MTMR3: variants seen among roughly 807,000 people sequenced by gnomAD.
MTMR3 encodes myotubularin related protein 3.
In MTMR3, 32 loss-of-function variants were observed where a neutral mutation model predicts 132.4. That is an observed-to-expected ratio of 0.24 (90% CI 0.18 to 0.32). The LOEUF (loss-of-function observed/expected upper bound fraction) is 0.32. MTMR3 is among the 10% of genes least tolerant of loss of function. MTMR3 has a pLI of 1.00. For synonymous variants in MTMR3, 556 were observed against 550.3 expected (o/e 1.01, Z -0.14); for missense variants, 1,216 against 1,489.6 (o/e 0.82, Z 3.02).
chr22:29,887,736 C>A (rs747924447), intron 1 of MTMR3, among the ~76,000 whole-genome samples: 1 of 152,190 alleles, frequency 6.6e-6, no homozygotes, highest in Non-Finnish European at 1.5e-5. Flanking sequence ...GCAAGGAGTT[C>A]AGCACATTCT....
chr22:29,952,686 C>T (rs2066107840), intron 1 of MTMR3, among the ~76,000 whole-genome samples: 1 of 152,100 alleles, frequency 6.6e-6, no homozygotes, highest in Non-Finnish European at 1.5e-5. Flanking sequence ...CACCACTTAC[C>T]ACAGTAGCTG....
chr22:30,016,607 A>G lies in MTMR3; in HGVS notation c.1583A>G (p.His528Arg), dbSNP rs2067598048. 1.9e-6 allele frequency: 3 copies of G among 1,614,202 alleles called. No homozygotes were observed. The highest frequency in any genetic ancestry group is 2.5e-6 in the Non-Finnish European group (3 of 1,180,026). Residue 528 changes from histidine (H) to arginine (R), a missense_variant, in exon 15 of 20, where the codon CAT becomes CGT. His to Arg is a conservative substitution (Grantham distance 29). This residue lies in a region of MTMR3 where 852 missense variants were observed against 852.0 expected (regional missense o/e 1.00). Coordinates refer to ENST00000401950, the MANE Select transcript of MTMR3 (RefSeq NM_021090.4). ...AACGCCAAGGAGAGAGGGGAAAAGC[A>G]TACTCAGGAACGGACATGTTCCGTG... ...CNNAKERGEK[H>R]TQERTCSVWS...
At chr22:29,957,640 AC>A (rs1357272107) in intron 2 of MTMR3, among the ~76,000 whole-genome samples, 1 of 151,912 alleles carries the variant, frequency 6.6e-6, no homozygotes, top group African/African-American at 2.4e-5. Context: ...TTTTGTAGAG[AC>A]AGGATCTCGT....
intron 9 of MTMR3, 113 bp downstream of exon 9, chr22:30,003,106 TC>T: frequency 2.6e-6 from 2 of 759,498 alleles, no homozygotes; most frequent in Admixed American, 2.2e-5. Context: ...CAGAGAACTT[TC>T]TAGGCAAGGC....
Position 30,019,681 on chromosome 22 carries a change from G to T in MTMR3, c.2022G>T (p.Gly674=). Residue 674 remains glycine (G), a synonymous_variant, in exon 17 of 20, where the codon GGG becomes GGT. Coordinates refer to ENST00000401950, the MANE Select transcript of MTMR3 (RefSeq NM_021090.4). ...TAGGGAAGCCCACCAGAGTGCCGGG[G>T]GGTGCCGAGCTTTCTGTTGCAGCCG... The part of the protein sequence containing the change: ...DSLGKPTRVP[G]GAELSVAAGV... The T allele has an allele frequency of 6.2e-7, 1 of 1,614,206 alleles. No individual in the cohort carries two copies. Among genetic ancestry groups the T allele is most frequent in the Non-Finnish European group, 8.5e-7 (1 of 1,180,034 alleles).
At chr22:29,889,432 A>G (rs1162419121) in intron 1 of MTMR3, among the ~76,000 whole-genome samples, 1 of 151,638 alleles carries the variant, frequency 6.6e-6, no homozygotes, top group African/African-American at 2.4e-5. Flanking sequence ...GATTACAGGT[A>G]CCTGCCACCA....
rs1410281778 is a variant in MTMR3 at position 30,027,438 on chromosome 22, C to T, written c.*1637C>T. ...AGGCAAAGCCCAGAGCATCTGAGCACGTCTCTGACTTCCAGTGGCAACACA... is the reference window on the plus strand; with the variant it reads ...AGGCAAAGCCCAGAGCATCTGAGCATGTCTCTGACTTCCAGTGGCAACACA... On this transcript the variant is annotated 3_prime_UTR_variant, in exon 20 of 20. Coordinates refer to ENST00000401950, the MANE Select transcript of MTMR3 (RefSeq NM_021090.4). The T allele has an allele frequency of 1.3e-5, 2 of 152,796 alleles. No individual in the cohort carries two copies. The highest frequency in any genetic ancestry group is 2.4e-5 in the African/African-American group (1 of 41,462). The allele number at this position is 152,796 out of a possible 1,614,324, so 9.5% of individuals were successfully genotyped here.
chr22:29,895,285 G>A (rs565775907), intron 1 of MTMR3, among the ~76,000 whole-genome samples: 2 of 152,140 alleles, frequency 1.3e-5, no homozygotes, highest in Admixed American at 1.3e-4. Context: ...TGTGGTTTTG[G>A]ATTGTGAATT....
intron 3 of MTMR3, among the ~76,000 whole-genome samples, chr22:29,976,680 T>C (rs1314662183): frequency 6.6e-6 from 1 of 152,142 alleles, no homozygotes; most frequent in Non-Finnish European, 1.5e-5. Flanking sequence ...TAGATGTCAA[T>C]ACAGTGAAGA....
chr22:29,899,224 A>G (rs1411498519), intron 1 of MTMR3, among the ~76,000 whole-genome samples: 3 of 152,180 alleles, frequency 2.0e-5, no homozygotes, highest in African/African-American at 4.8e-5. Flanking sequence ...GTCCACATGT[A>G]GATAGTCCTA....
At chr22:29,928,970 T>C (rs1417185817) in intron 1 of MTMR3, among the ~76,000 whole-genome samples, 1 of 152,172 alleles carries the variant, frequency 6.6e-6, no homozygotes, top group African/African-American at 2.4e-5. Flanking sequence ...TTTACCATTA[T>C]CAAAAGTGTG....
At position 30,030,616 on chromosome 22, in the gene MTMR3, G is replaced by A. The variant is rs1478033592; in HGVS notation, c.*4815G>A. 2 of 128,498 alleles carry A rather than the reference G, an allele frequency of 1.6e-5. No homozygotes were observed. Among genetic ancestry groups the A allele is most frequent in the African/African-American group, 5.9e-5 (2 of 33,998 alleles). 8.0% of individuals were successfully genotyped at this position (128,498 alleles called of 1,614,324 possible). ...AATCAGCTCAGCCTCTTAGGAGAGAGGGGCTCTCAGCGAGGAGGGGGCGGG... is the reference window on the plus strand; with the variant it reads ...AATCAGCTCAGCCTCTTAGGAGAGAAGGGCTCTCAGCGAGGAGGGGGCGGG... On this transcript the variant is annotated 3_prime_UTR_variant, in exon 20 of 20. Transcript: ENST00000401950.
At chr22:29,930,157 A>G (rs2065613511) in intron 1 of MTMR3, among the ~76,000 whole-genome samples, 2 of 152,234 alleles carry the variant, frequency 1.3e-5, no homozygotes, top group Non-Finnish European at 2.9e-5. Flanking sequence ...AATTGTCTAC[A>G]ACAAAATTCA....
intron 12 of MTMR3, 71 bp downstream of exon 12, chr22:30,009,200 A>G: frequency 8.9e-7 from 1 of 1,118,856 alleles, no homozygotes; most frequent in Non-Finnish European, 1.3e-6. Context: ...CCTTGAACTA[A>G]GGGGGAAAAA....
At chr22:29,968,033 G>A (rs993467964) in intron 2 of MTMR3, among the ~76,000 whole-genome samples, 1 of 151,960 alleles carries the variant, frequency 6.6e-6, no homozygotes, top group Admixed American at 6.6e-5. Flanking sequence ...TGGCCATCAT[G>A]AATAATGCTG....
chr22:30,020,298 T>C lies in MTMR3; in HGVS notation c.2639T>C (p.Met880Thr), dbSNP rs199695056. The C allele has an allele frequency of 4.3e-4, 687 of 1,614,180 alleles. 13 individuals carry two copies. In the South Asian group the frequency reaches 7.0e-3, roughly 17 times the overall value. The change falls in exon 17 of 20, where the codon ATG (methionine) becomes ACG (threonine). Residue 880 changes from methionine to threonine, a missense_variant. Met to Thr is a moderately conservative substitution (Grantham distance 81). Around this residue, in one of 7 missense-constraint regions of MTMR3, gnomAD observed 852 missense variants for 852.0 expected, o/e 1.00. Transcript: ENST00000401950. ...NSGKDRLPQT[M>T]EPSPSETSLV... ...GGCAAGGACAGGCTTCCTCAGACCA[T>C]GGAACCCAGCCCTTCAGAGACAAGC...
chr22:29,965,252 T>C (rs868666446), intron 2 of MTMR3, among the ~76,000 whole-genome samples: 9 of 151,994 alleles, frequency 5.9e-5, no homozygotes, highest in South Asian at 2.1e-4. Context: ...ATTGGTAAAT[T>C]TTGACTGACT....
At chr22:29,964,565 T>C (rs565696292) in intron 2 of MTMR3, among the ~76,000 whole-genome samples, 8 of 152,304 alleles carry the variant, frequency 5.3e-5, no homozygotes, top group Admixed American at 3.9e-4. Flanking sequence ...TCCTCTGGAC[T>C]GTAAGTTCTT....
At chr22:29,961,363 T>C (rs1569025544) in intron 2 of MTMR3, among the ~76,000 whole-genome samples, 1 of 152,192 alleles carries the variant, frequency 6.6e-6, no homozygotes, top group East Asian at 1.9e-4. Flanking sequence ...TTATGATACA[T>C]TGGGGTATAA....
Sources: gnomAD v4.1 joint callset for allele counts (sites outside exome capture counted in the v4.1 genomes callset) on GRCh38, gnomAD v4.1.1 for gene constraint, gnomAD v4.1.1 regional missense constraint, MANE v1.5 for transcripts, NCBI Gene and HGNC (gene_info 2026-07-23, HGNC 2026-07-21) for gene names.